The following EIF2AK2 variants were observed in gnomAD, a reference collection of about 807,000 sequenced individuals.
EIF2AK2 encodes the protein interferon-induced, double-stranded RNA-activated protein kinase.
In EIF2AK2, 40 loss-of-function variants were observed where a neutral mutation model predicts 70.5. The observed-to-expected ratio is 0.57, with a 90% CI of 0.44 to 0.74. EIF2AK2 has a LOEUF of 0.74. Among genes scored for constraint, EIF2AK2 ranks in the 30% least tolerant of loss-of-function variants. The pLI is 0.00. For missense variants in EIF2AK2, 555 were observed against 644.3 expected (o/e 0.86, Z 1.50); for synonymous variants, 198 against 220.9 (o/e 0.90, Z 0.92).
intron 13 of EIF2AK2, among the ~76,000 whole-genome samples, chr2:37,119,169 G>T (rs1422904037): frequency 1.3e-5 from 2 of 152,144 alleles, no homozygotes; most frequent in East Asian, 3.8e-4. Flanking sequence ...TTAATGAGAA[G>T]TAAAAAATAG....
intron 1 of EIF2AK2, among the ~76,000 whole-genome samples, chr2:37,153,480 T>C (rs1314381042): frequency 3.3e-5 from 5 of 151,730 alleles, no homozygotes; most frequent in African/African-American, 1.2e-4. Context: ...GCTGGGACCA[T>C]AGGCGTGGGC....
In EIF2AK2 at chr2:37,100,602, G is replaced by T. The variant is rs1246226298; in HGVS notation, c.*6671C>A. On this transcript the variant is annotated 3_prime_UTR_variant, in exon 17 of 17. Coordinates refer to ENST00000233057, the MANE Select transcript of EIF2AK2 (RefSeq NM_001135651.3). ...TCATCTATGACTATTTTTAAGAAAT[G>T]TAAGATTTGGATAAGTCATAATCAC... 3 of 152,212 alleles carry T rather than the reference G, an allele frequency of 2.0e-5. No homozygotes were observed. Among genetic ancestry groups the T allele is most frequent in the Non-Finnish European group, 2.9e-5 (2 of 68,032 alleles). The allele number at this position is 152,212 out of a possible 1,614,324, so 9.4% of individuals were successfully genotyped here.
intron 2 of EIF2AK2, 195 bp downstream of exon 2, chr2:37,148,662 C>A (rs142536420): frequency 3.7e-6 from 3 of 819,194 alleles, no homozygotes; most frequent in Non-Finnish European, 2.2e-6. Context: ...CAACTTAGAA[C>A]TGGAAGGACA....
intron 14 of EIF2AK2, 174 bp from the exon 15 acceptor site, chr2:37,109,469 C>G: frequency 1.8e-6 from 1 of 554,420 alleles, no homozygotes. Context: ...CGCCGAATAG[C>G]TGAATCCTCT....
chr2:37,119,434 G>C (rs1225033693), intron 13 of EIF2AK2, among the ~76,000 whole-genome samples: 1 of 152,092 alleles, frequency 6.6e-6, no homozygotes, highest in Non-Finnish European at 1.5e-5. Flanking sequence ...TCACTTAGAG[G>C]AGGCAGGAGG....
In EIF2AK2 at chr2:37,135,445, C is replaced by T. The variant is rs1263550821; in HGVS notation, c.785+39G>A. On this transcript the variant is annotated intron_variant, in intron 10 of 16. Coordinates refer to ENST00000233057, the MANE Select transcript of EIF2AK2 (RefSeq NM_001135651.3). ...AACTACCAAAAACATCCACCGACAG[C>T]ATTACCCCTTCTTCTTTCTTCAGCA... 7.1e-6 allele frequency: 11 copies of T among 1,538,954 alleles called. No individual in the cohort carries two copies. In the East Asian group the frequency reaches 2.5e-4, roughly 35 times the overall value.
intron 1 of EIF2AK2, among the ~76,000 whole-genome samples, chr2:37,149,539 G>T (rs4648152): frequency 6.9e-6 from 1 of 145,592 alleles, no homozygotes; most frequent in African/African-American, 2.5e-5. Context: ...TAGGGTGTAG[G>T]CAGGTCCTCA....
chr2:37,127,741 AT>A (rs34321110), intron 10 of EIF2AK2, among the ~76,000 whole-genome samples: 52,033 of 125,110 alleles, frequency 0.42, 9,577 homozygotes, highest in East Asian at 0.52. Flanking sequence ...TGTTCCTGCA[AT>A]TTTTTTTTTT....
At chr2:37,125,020 A>ATT in intron 11 of EIF2AK2, among the ~76,000 whole-genome samples, 1 of 149,374 alleles carries the variant, frequency 6.7e-6, no homozygotes, top group South Asian at 2.1e-4. Context: ...TTTTATTTTT[A>ATT]TTTTTTTTTG....
chr2:37,108,956 G>A (rs1445074207), intron 15 of EIF2AK2, among the ~76,000 whole-genome samples: 2 of 152,192 alleles, frequency 1.3e-5, no homozygotes, highest in Admixed American at 1.3e-4. Context: ...TGACTGACAA[G>A]TCTTACAAGT....
In EIF2AK2 at chr2:37,132,848, T is replaced by C. The variant is rs539658018; in HGVS notation, c.785+2636A>G. 7.0e-4 allele frequency among the ~76,000 whole-genome samples: 107 copies of C among 152,280 alleles called. No homozygotes were observed. The South Asian group carries it at 0.013, about 18-fold the overall frequency. ...AAGACTGGGAAATTGATTTTACCCA[T>C]ATGCCCCCAGTAAAAAAGGTTCGAT... On this transcript the variant is annotated intron_variant, in intron 10 of 16. Transcript: ENST00000233057.
At chr2:37,155,431 C>T (rs903026568) in intron 1 of EIF2AK2, among the ~76,000 whole-genome samples, 3 of 152,196 alleles carry the variant, frequency 2.0e-5, no homozygotes, top group Admixed American at 6.5e-5. Flanking sequence ...CTTTTCTCTA[C>T]ATTTATAGTG....
chr2:37,149,175 G>A, intron 1 of EIF2AK2, 152 bp from the exon 2 acceptor site: 1 of 1,050,678 alleles, frequency 9.5e-7, no homozygotes, highest in Non-Finnish European at 1.5e-6. Flanking sequence ...TGTTTAGGAT[G>A]TTTCTATGCT....
intron 13 of EIF2AK2, among the ~76,000 whole-genome samples, chr2:37,116,936 G>T (rs1488618260): frequency 7.9e-5 from 12 of 152,160 alleles, no homozygotes; most frequent in Admixed American, 7.9e-4. Context: ...AGTGGGCAGG[G>T]CGTGGTGAGT....
chr2:37,139,908 C>T (rs760787079), intron 5 of EIF2AK2, 151 bp from the exon 6 acceptor site: 28 of 839,938 alleles, frequency 3.3e-5, no homozygotes, highest in Non-Finnish European at 4.3e-5. Flanking sequence ...TAATTTAAAC[C>T]CTCAGTAACA....
chr2:37,114,313 GAAC>G (rs1674260645), intron 14 of EIF2AK2, among the ~76,000 whole-genome samples: 1 of 150,880 alleles, frequency 6.6e-6, no homozygotes, highest in African/African-American at 2.4e-5. Flanking sequence ...AACAAAATAA[GAAC>G]AACAACAAAA....
intron 1 of EIF2AK2, among the ~76,000 whole-genome samples, chr2:37,154,056 G>A (rs1675836103): frequency 6.6e-6 from 1 of 152,110 alleles, no homozygotes; most frequent in South Asian, 2.1e-4. Context: ...GCCAGGCGCG[G>A]TGGCTCACAC....
At chr2:37,132,711 C>A (rs893736973) in intron 10 of EIF2AK2, among the ~76,000 whole-genome samples, 2 of 152,176 alleles carry the variant, frequency 1.3e-5, no homozygotes, top group South Asian at 2.1e-4. Flanking sequence ...TATAAAGGAA[C>A]AGTTGAAAGC....
intron 4 of EIF2AK2, among the ~76,000 whole-genome samples, 164 bp downstream of exon 4, chr2:37,146,689 C>T (rs1472093003): frequency 6.6e-6 from 1 of 152,142 alleles, no homozygotes; most frequent in East Asian, 1.9e-4. Context: ...GGCTCTCACT[C>T]AGGGTTTCAT....
Sources: allele counts gnomAD v4.1 joint callset (sites outside exome capture counted in the v4.1 genomes callset), GRCh38; gene constraint gnomAD v4.1.1; transcripts MANE v1.5; gene names NCBI Gene and HGNC (gene_info 2026-07-23, HGNC 2026-07-21).